The following ESR1 variants were observed in gnomAD, a reference collection of about 807,000 sequenced individuals.
ESR1 encodes estrogen receptor.
ESR1 carries 12 observed loss-of-function variants against 52.7 expected under a neutral mutation model. The ratio of observed to expected loss-of-function variants is 0.23; its 90% confidence interval spans 0.15 to 0.37. The LOEUF (loss-of-function observed/expected upper bound fraction) is 0.37. Among genes scored for constraint, ESR1 ranks in the 10% least tolerant of loss-of-function variants. ESR1 has a pLI of 1.00. For missense variants in ESR1, 584 were observed against 779.7 expected (o/e 0.75, Z 2.99); for synonymous variants, 305 against 316.8 (o/e 0.96, Z 0.39).
At chr6:151,894,769 A>G (rs1052254851) in intron 3 of ESR1, among the ~76,000 whole-genome samples, 4 of 152,110 alleles carry the variant, frequency 2.6e-5, no homozygotes, top group Non-Finnish European at 5.9e-5. Context: ...TACCAGTACC[A>G]TGCTGTTTCG....
intron 2 of ESR1, among the ~76,000 whole-genome samples, chr6:151,778,064 T>C (rs1282035674): frequency 6.6e-6 from 1 of 152,246 alleles, no homozygotes; most frequent in Admixed American, 6.5e-5. Flanking sequence ...CAAGACGCAA[T>C]TGGTTCCTCG....
chr6:151,678,787 A>G (rs1778348470), intron 1 of ESR1, among the ~76,000 whole-genome samples: 1 of 151,834 alleles, frequency 6.6e-6, no homozygotes, highest in South Asian at 2.1e-4. Flanking sequence ...CCTGGGTTCA[A>G]GCGATTCCCC....
intron 3 of ESR1, among the ~76,000 whole-genome samples, chr6:151,903,167 G>A (rs780090535): frequency 1.9e-4 from 29 of 152,120 alleles, no homozygotes; most frequent in Non-Finnish European, 3.1e-4. Flanking sequence ...TTTATTAGTA[G>A]TGACTTTCCC....
intron 1 of ESR1, among the ~76,000 whole-genome samples, chr6:151,670,756 GTTTTCGTTTTTTTTT>G (rs1279559384): frequency 1.1e-4 from 11 of 97,282 alleles, no homozygotes; most frequent in African/African-American, 4.0e-4. Flanking sequence ...GCTAATTTTT[GTTTTCGTTTTTTTTT>G]TTTTTTTTTT....
chr6:152,123,679 A>G (rs896266594), intron 6 of ESR1, among the ~76,000 whole-genome samples: 1 of 152,268 alleles, frequency 6.6e-6, no homozygotes, highest in Non-Finnish European at 1.5e-5. Flanking sequence ...ACTCAGACCC[A>G]TACAACATTG....
intron 6 of ESR1, among the ~76,000 whole-genome samples, chr6:152,117,949 T>C (rs952212731): frequency 3.9e-4 from 59 of 152,300 alleles, no homozygotes; most frequent in African/African-American, 1.4e-3. Flanking sequence ...CTACTAAATC[T>C]AAAATTGAGA....
rs146166568 is a variant in ESR1 at position 151,999,501 on chromosome 6, T to C, written c.1097-12155T>C. On this transcript the variant is annotated intron_variant, in intron 4 of 7. Coordinates refer to ENST00000206249, the MANE Select transcript of ESR1 (RefSeq NM_000125.4). The stretch of plus-strand genomic sequence containing the variant: ...GTTTGTCTTATATATAACAAGCATT[T>C]CCAGTAGTTAATAATACTTTCTTAG... Among the ~76,000 whole-genome samples the C allele has an allele frequency of 1.4e-3, 206 of 152,264 alleles. 2 individuals carry two copies. Among genetic ancestry groups the C allele is most frequent in the African/African-American group, 4.8e-3 (199 of 41,568 alleles).
At chr6:152,087,008 C>A (rs997048498) in intron 6 of ESR1, among the ~76,000 whole-genome samples, 2 of 152,162 alleles carry the variant, frequency 1.3e-5, no homozygotes, top group Non-Finnish European at 2.9e-5. Flanking sequence ...GAAGTCAGTT[C>A]CTCTGTGCCA....
chr6:152,076,211 C>T (rs1181417861), intron 6 of ESR1, among the ~76,000 whole-genome samples: 1 of 152,166 alleles, frequency 6.6e-6, no homozygotes, highest in African/African-American at 2.4e-5. Flanking sequence ...TGGTTTCCTC[C>T]ATGCTGTTCT....
At chr6:152,042,850 A>T (rs2045921026) in intron 5 of ESR1, among the ~76,000 whole-genome samples, 1 of 152,158 alleles carries the variant, frequency 6.6e-6, no homozygotes, top group South Asian at 2.1e-4. Flanking sequence ...GCCTCCGCTG[A>T]CCTTTACGGT....
chr6:151,995,704 A>G (rs1285410727), intron 4 of ESR1, among the ~76,000 whole-genome samples: 2 of 152,182 alleles, frequency 1.3e-5, no homozygotes, highest in African/African-American at 4.8e-5. Flanking sequence ...AAGAATTTTA[A>G]AGGAAGGTGG....
chr6:151,684,733 G>C (rs1778588839), intron 1 of ESR1, among the ~76,000 whole-genome samples: 1 of 152,132 alleles, frequency 6.6e-6, no homozygotes. Flanking sequence ...ATTCTTTCTG[G>C]TTCTTCCTTC....
intron 1 of ESR1, among the ~76,000 whole-genome samples, chr6:151,672,710 T>A (rs1001032256): frequency 3.3e-5 from 5 of 151,832 alleles, no homozygotes; most frequent in African/African-American, 1.2e-4. Flanking sequence ...TGACCTCAGG[T>A]GATCCACCCA....
intron 2 of ESR1, among the ~76,000 whole-genome samples, chr6:151,762,368 C>A (rs1439512289): frequency 6.6e-6 from 1 of 152,108 alleles, no homozygotes; most frequent in Non-Finnish European, 1.5e-5. Flanking sequence ...ATAGGCTTTG[C>A]AAGTTATTTT....
chr6:152,018,531 C>A (rs1403179394), intron 5 of ESR1, among the ~76,000 whole-genome samples: 1 of 151,966 alleles, frequency 6.6e-6, no homozygotes, highest in African/African-American at 2.4e-5. Flanking sequence ...AAATTCTCCC[C>A]TCTGAAAAAT....
intron 5 of ESR1, among the ~76,000 whole-genome samples, chr6:152,055,078 C>G (rs946291589): frequency 1.3e-5 from 2 of 151,642 alleles, no homozygotes; most frequent in African/African-American, 4.8e-5. Context: ...TTTTTTTTTG[C>G]TCATCTGTTG....
intron 2 of ESR1, among the ~76,000 whole-genome samples, chr6:151,722,105 AT>A (rs1402397492): frequency 6.6e-6 from 1 of 152,208 alleles, no homozygotes; most frequent in African/African-American, 2.4e-5. Context: ...ATTGTTGGGA[AT>A]AATTGAGGTC....
Position 152,101,034 on chromosome 6 carries a change from GTTT to G in ESR1, c.*2083_*2085del, listed in dbSNP as rs11285435. ...TGCAAAAACCAAGGAAAAATATTTA[GTTT>G]TTTTTTTTTTTTTTGTATACTTTTC... On this transcript the variant is annotated 3_prime_UTR_variant, in exon 8 of 8. Transcript: ENST00000206249. 35 of 194,514 alleles carry G rather than the reference GTTT, an allele frequency of 1.8e-4. No homozygotes were observed. Among genetic ancestry groups the G allele is most frequent in the South Asian group, 4.2e-4 (2 of 4,728 alleles). 12.0% of individuals were successfully genotyped at this position (194,514 alleles called of 1,614,324 possible).
intron 1 of ESR1, among the ~76,000 whole-genome samples, chr6:151,684,625 C>A (rs1778585041): frequency 6.6e-6 from 1 of 152,202 alleles, no homozygotes. Flanking sequence ...ATCCAAACTT[C>A]CCCAGAATAT....
Sources: gnomAD v4.1 joint callset for allele counts (sites outside exome capture counted in the v4.1 genomes callset) on GRCh38, gnomAD v4.1.1 for gene constraint, MANE v1.5 for transcripts, NCBI Gene and HGNC (gene_info 2026-07-23, HGNC 2026-07-21) for gene names.